Variants in HTRA4 observed in about 807,000 individuals in gnomAD.
HTRA4 encodes serine protease HTRA4.
A neutral mutation model predicts 49.1 loss-of-function variants in HTRA4; 46 were observed. The observed-to-expected ratio is 0.94, with a 90% CI of 0.74 to 1.20. The LOEUF (loss-of-function observed/expected upper bound fraction) is 1.20, where lower values mean the gene tolerates loss of function less well. Ranked by LOEUF, HTRA4 falls within the 50% of genes most tolerant of loss-of-function variation. The probability of loss-of-function intolerance (pLI) is 0.00; values close to 1 mark genes in which losing one functional copy is unlikely to be tolerated. For synonymous variants in HTRA4, 261 were observed against 264.0 expected (o/e 0.99, Z 0.11); for missense variants, 602 against 636.9 (o/e 0.95, Z 0.59).
At position 38,974,500 on chromosome 8, in the gene HTRA4, C is replaced by G. The variant is rs1168517113; in HGVS notation, c.237C>G (p.Val79=). 2.0e-6 allele frequency: 3 copies of G among 1,497,424 alleles called. No individual in the cohort carries two copies. Among genetic ancestry groups the G allele is most frequent in the African/African-American group, 2.9e-5 (2 of 68,962 alleles). The allele number at this position is 1,497,424 out of a possible 1,614,324, so 92.8% of individuals were successfully genotyped here. ...CRVCPAAERE[V]CGGAQGQPCA... ...TCTGCCCCGCGGCCGAGCGTGAAGT[C>G]TGCGGCGGGGCGCAGGGCCAACCGT... is the stretch of plus-strand genomic sequence containing the variant. The change falls in exon 1 of 9, where the codon GTC becomes GTG. Residue 79 remains valine, a synonymous_variant. Transcript: ENST00000302495.
Position 38,988,290 on chromosome 8 carries a change from G to T in HTRA4, c.*192G>T. 2.0e-6 allele frequency: 1 copy of T among 494,374 alleles called. No homozygotes were observed. The allele number at this position is 494,374 out of a possible 1,614,324, so 30.6% of individuals were successfully genotyped here. On this transcript the variant is annotated 3_prime_UTR_variant, in exon 9 of 9. Coordinates refer to ENST00000302495, the MANE Select transcript of HTRA4 (RefSeq NM_153692.4). ...GCAAATGTGGTACATATACACCATG[G>T]AATACTATGCAGCCATAAAAAGCAA...
rs112907550 is a variant in HTRA4, at chr8:38,974,668, C to G, written c.405C>G (p.Ala135=). The G allele has an allele frequency of 3.3e-5, 46 of 1,400,112 alleles. 1 individual carries two copies. In the African/African-American group the frequency reaches 3.5e-4, roughly 11 times the overall value. 86.7% of individuals were successfully genotyped at this position (1,400,112 alleles called of 1,614,324 possible). The change falls in exon 1 of 9, where the codon GCC becomes GCG. Residue 135 remains alanine (A), a synonymous_variant. Transcript: ENST00000302495. ...GCGCGCTCCGGGCCGAAAACCGCGC[C>G]GCGCGCCGCCTGGGCAAGGTCCCGG... ...SMCALRAENR[A]ARRLGKVPAV... is the part of the protein sequence containing the mutation.
chr8:38,984,605 T>G (rs962609124), intron 8 of HTRA4, among the ~76,000 whole-genome samples: 5 of 151,852 alleles, frequency 3.3e-5, no homozygotes, highest in African/African-American at 1.2e-4. Flanking sequence ...AAAAATTAGC[T>G]GGGTGTGGTG....
At chr8:38,980,512 G>C (rs1835405366) in intron 5 of HTRA4, among the ~76,000 whole-genome samples, 1 of 151,332 alleles carries the variant, frequency 6.6e-6, no homozygotes, top group Admixed American at 6.6e-5. Flanking sequence ...TGGATCACCT[G>C]AGGTCAGGAG....
chr8:38,981,180 C>T lies in HTRA4; in HGVS notation c.1000-473C>T, dbSNP rs551623402. Among the ~76,000 whole-genome samples the T allele has an allele frequency of 3.2e-3, 467 of 146,092 alleles. 3 individuals carry two copies. The highest frequency in any genetic ancestry group is 0.011 in the African/African-American group (452 of 39,980). On this transcript the variant is annotated intron_variant, in intron 5 of 8. Coordinates refer to ENST00000302495, the MANE Select transcript of HTRA4 (RefSeq NM_153692.4). ...CTGCAAGCTCCGCCTCCCGGGTTCACGCCATTCTCCTGCCTCAGCCTCCCG... is the reference window on the plus strand; with the variant it reads ...CTGCAAGCTCCGCCTCCCGGGTTCATGCCATTCTCCTGCCTCAGCCTCCCG...
intron 2 of HTRA4, among the ~76,000 whole-genome samples, 166 bp from the exon 3 acceptor site, chr8:38,976,369 G>A (rs1835351363): frequency 6.6e-6 from 1 of 152,154 alleles, no homozygotes; most frequent in Non-Finnish European, 1.5e-5. Context: ...CTGCACTCCA[G>A]CTTGGGCAAC....
At chr8:38,982,235 G>A (rs1205302813) in intron 6 of HTRA4, among the ~76,000 whole-genome samples, 1 of 152,196 alleles carries the variant, frequency 6.6e-6, no homozygotes, top group African/African-American at 2.4e-5. Context: ...CAATATTGGG[G>A]GACTAGGCAC....
At chr8:38,982,812 G>T (rs2129427663) in intron 7 of HTRA4, 141 bp from the exon 8 acceptor site, 1 of 653,578 alleles carries the variant, frequency 1.5e-6, no homozygotes, top group South Asian at 1.9e-5. Context: ...ACTGAGAGGA[G>T]AATGACTGTG....
chr8:38,983,240 A>G (rs1384503251), intron 8 of HTRA4, among the ~76,000 whole-genome samples, 192 bp downstream of exon 8: 2 of 152,232 alleles, frequency 1.3e-5, no homozygotes, highest in East Asian at 3.8e-4. Flanking sequence ...AGTTTAATTT[A>G]AATTAAAAAA....
chr8:38,986,359 T>A (rs1423556702), intron 8 of HTRA4, among the ~76,000 whole-genome samples: 2 of 152,248 alleles, frequency 1.3e-5, no homozygotes, highest in African/African-American at 4.8e-5. Context: ...CTCAGCTCAC[T>A]GCAACCTCCG....
intron 8 of HTRA4, among the ~76,000 whole-genome samples, chr8:38,985,566 G>C (rs932884653): frequency 6.6e-6 from 1 of 152,158 alleles, no homozygotes; most frequent in Admixed American, 6.6e-5. Flanking sequence ...AGTGAAATCA[G>C]AGGGCACTGT....
intron 8 of HTRA4, among the ~76,000 whole-genome samples, chr8:38,986,418 G>A (rs1835483134): frequency 6.6e-6 from 1 of 152,126 alleles, no homozygotes; most frequent in Non-Finnish European, 1.5e-5. Context: ...AAGTAGCTGG[G>A]ATTACACACC....
chr8:38,987,752 G>T (rs1835501215), intron 8 of HTRA4, among the ~76,000 whole-genome samples, 184 bp from the exon 9 acceptor site: 1 of 152,124 alleles, frequency 6.6e-6, no homozygotes, highest in Non-Finnish European at 1.5e-5. Context: ...TGTCCTCTAG[G>T]TGACTTTTTT....
intron 8 of HTRA4, among the ~76,000 whole-genome samples, chr8:38,987,062 T>C (rs1835490224): frequency 6.6e-6 from 1 of 152,098 alleles, no homozygotes; most frequent in Admixed American, 6.6e-5. Context: ...TTTAGTTTTA[T>C]ACTTAAGCGT....
At position 38,974,499 on chromosome 8, in the gene HTRA4, TCTG is replaced by T; in HGVS notation, c.238_240del (p.Cys80del). The T allele has an allele frequency of 6.7e-7, 1 of 1,497,736 alleles. No homozygotes were observed. The highest frequency in any genetic ancestry group is 8.8e-7 in the Non-Finnish European group (1 of 1,132,732). 92.8% of individuals were successfully genotyped at this position (1,497,736 alleles called of 1,614,324 possible). A position where few individuals can be genotyped will look rare whatever the true frequency, so the allele number is the denominator to read the frequency against. On this transcript the variant is annotated inframe_deletion, in exon 1 of 9. Coordinates refer to ENST00000302495, the MANE Select transcript of HTRA4 (RefSeq NM_153692.4). ...GTCTGCCCCGCGGCCGAGCGTGAAGTCTGCGGCGGGGCGCAGGGCCAACCGTGC... is the reference window on the plus strand; with the variant it reads ...GTCTGCCCCGCGGCCGAGCGTGAAGTCGGCGGGGCGCAGGGCCAACCGTGC...
chr8:38,987,665 A>G (rs1835499886), intron 8 of HTRA4, among the ~76,000 whole-genome samples: 1 of 152,106 alleles, frequency 6.6e-6, no homozygotes. Flanking sequence ...TTCCAAACCA[A>G]CTCCCCAAAA....
chr8:38,979,944 ATGTCATC>A (rs1216069933), intron 5 of HTRA4, among the ~76,000 whole-genome samples: 2 of 152,172 alleles, frequency 1.3e-5, no homozygotes, highest in Non-Finnish European at 2.9e-5. Context: ...TAATTACATA[ATGTCATC>A]TGTCCAGGTT....
At chr8:38,976,218 C>G (rs953794433) in intron 2 of HTRA4, among the ~76,000 whole-genome samples, 1 of 152,164 alleles carries the variant, frequency 6.6e-6, no homozygotes, top group Non-Finnish European at 1.5e-5. Flanking sequence ...TCGAGAGCAG[C>G]CTGGCCAACA....
intron 5 of HTRA4, among the ~76,000 whole-genome samples, chr8:38,981,081 T>G (rs1273999826): frequency 2.3e-5 from 3 of 128,874 alleles, no homozygotes; most frequent in Non-Finnish European, 3.3e-5. Context: ...TTTTTTTTTT[T>G]TTTTTTTTTT....
Sources: allele counts gnomAD v4.1 joint callset (sites outside exome capture counted in the v4.1 genomes callset), GRCh38; gene constraint gnomAD v4.1.1; transcripts MANE v1.5; gene names NCBI Gene and HGNC (gene_info 2026-07-23, HGNC 2026-07-21).